ADAMTS12: variants seen among roughly 807,000 people sequenced by gnomAD.
The protein encoded by ADAMTS12 is A disintegrin and metalloproteinase with thrombospondin motifs 12.
ADAMTS12 carries 118 observed loss-of-function variants against 167.8 expected under a neutral mutation model. The observed-to-expected ratio is 0.70, with a 90% CI of 0.61 to 0.82. The LOEUF is 0.82. ADAMTS12 is among the 40% of genes least tolerant of loss of function. The pLI, the probability that ADAMTS12 is intolerant of heterozygous loss-of-function variation, is 0.00. For missense variants in ADAMTS12, 1,916 were observed against 1,998.8 expected, an observed-to-expected ratio of 0.96 and a Z score of 0.79; for synonymous variants, 704 against 716.9, an observed-to-expected ratio of 0.98 and a Z score of 0.29.
intron 1 of ADAMTS12, among the ~76,000 whole-genome samples, chr5:33,887,720 T>C (rs1393890761): frequency 6.6e-6 from 1 of 152,110 alleles, no homozygotes; most frequent in African/African-American, 2.4e-5. Context: ...TACCTACTAG[T>C]TGTATACAGT....
At chr5:33,545,379 T>C (rs1347483759) in intron 22 of ADAMTS12, among the ~76,000 whole-genome samples, 2 of 152,038 alleles carry the variant, frequency 1.3e-5, no homozygotes, top group Non-Finnish European at 2.9e-5. Flanking sequence ...TGGAGAAGAT[T>C]TGGAGAAATA....
At chr5:33,787,361 G>C (rs112143862) in intron 2 of ADAMTS12, among the ~76,000 whole-genome samples, 1 of 152,160 alleles carries the variant, frequency 6.6e-6, no homozygotes, top group African/African-American at 2.4e-5. Flanking sequence ...TCCATTGCAG[G>C]GCCACTGTCC....
Position 33,637,681 on chromosome 5 carries a change from G to A in ADAMTS12, c.1784C>T (p.Pro595Leu). ...RKRYRLCNVH[P>L]CRSEAPTFRQ... ...AAATGTTGGTGCCTCTGAGCGACAG[G>A]GGTGGACGTTGCACAAGCGATAGCG... The change falls in exon 12 of 24, where the codon CCC becomes CTC. Residue 595 changes from proline to leucine, a missense_variant. Physicochemically the swap from Pro to Leu is moderately conservative, Grantham distance 98 (BLOSUM62 -3). Coordinates refer to ENST00000504830, the MANE Select transcript of ADAMTS12 (RefSeq NM_030955.4). 2 of 1,613,778 alleles carry A rather than the reference G, an allele frequency of 1.2e-6. No homozygotes were observed.
chr5:33,672,142 C>A (rs1357940283), intron 5 of ADAMTS12, among the ~76,000 whole-genome samples: 4 of 151,426 alleles, frequency 2.6e-5, no homozygotes, highest in African/African-American at 9.7e-5. Flanking sequence ...CATACATACA[C>A]ACACACATCC....
At chr5:33,731,662 T>C (rs983424644) in intron 3 of ADAMTS12, among the ~76,000 whole-genome samples, 1 of 152,156 alleles carries the variant, frequency 6.6e-6, no homozygotes, top group Non-Finnish European at 1.5e-5. Context: ...TTTGGGACTA[T>C]GCTGATAGGA....
chr5:33,875,098 TA>T (rs1750175874), intron 2 of ADAMTS12, among the ~76,000 whole-genome samples: 1 of 152,198 alleles, frequency 6.6e-6, no homozygotes, highest in African/African-American at 2.4e-5. Context: ...AAAGGCTACA[TA>T]TTGTATGCTT....
intron 2 of ADAMTS12, among the ~76,000 whole-genome samples, chr5:33,787,045 T>C (rs1405229898): frequency 6.6e-6 from 1 of 152,182 alleles, no homozygotes; most frequent in South Asian, 2.1e-4. Context: ...CTAGATGTGG[T>C]CCTCTATGGC....
chr5:33,712,214 T>C (rs1172088059), intron 3 of ADAMTS12, among the ~76,000 whole-genome samples: 1 of 152,156 alleles, frequency 6.6e-6, no homozygotes, highest in East Asian at 1.9e-4. Context: ...TATTAATAAT[T>C]GATCTAACAA....
At chr5:33,791,707 T>G (rs1746576185) in intron 2 of ADAMTS12, among the ~76,000 whole-genome samples, 1 of 152,150 alleles carries the variant, frequency 6.6e-6, no homozygotes, top group Admixed American at 6.5e-5. Flanking sequence ...CTGTGGTTCC[T>G]TGAGATACCC....
chr5:33,836,958 A>G (rs1748550712), intron 2 of ADAMTS12, among the ~76,000 whole-genome samples: 1 of 151,976 alleles, frequency 6.6e-6, no homozygotes, highest in African/African-American at 2.4e-5. Flanking sequence ...TATGTTGCCC[A>G]GGCTGGTCCT....
chr5:33,626,799 C>T (rs879380798), intron 13 of ADAMTS12, among the ~76,000 whole-genome samples: 23 of 100,496 alleles, frequency 2.3e-4, no homozygotes, highest in African/African-American at 4.4e-4. Flanking sequence ...GGTGGTGATG[C>T]GGTAGGGTAG....
At chr5:33,826,284 A>T (rs1156438665) in intron 2 of ADAMTS12, among the ~76,000 whole-genome samples, 1 of 152,088 alleles carries the variant, frequency 6.6e-6, no homozygotes, top group Non-Finnish European at 1.5e-5. Context: ...TCAGCTATGG[A>T]ACTTAAACTT....
intron 2 of ADAMTS12, among the ~76,000 whole-genome samples, chr5:33,856,065 G>C (rs1276332170): frequency 6.6e-6 from 1 of 152,138 alleles, no homozygotes; most frequent in Non-Finnish European, 1.5e-5. Context: ...CTCCCAACTT[G>C]TATTCCAGCA....
At chr5:33,886,214 A>G (rs780423686) in intron 1 of ADAMTS12, among the ~76,000 whole-genome samples, 1 of 152,230 alleles carries the variant, frequency 6.6e-6, no homozygotes, top group Non-Finnish European at 1.5e-5. Flanking sequence ...CAAATTTATA[A>G]ATTTTGACCC....
At chr5:33,690,338 G>C (rs1480411103) in intron 3 of ADAMTS12, among the ~76,000 whole-genome samples, 1 of 152,100 alleles carries the variant, frequency 6.6e-6, no homozygotes, top group Non-Finnish European at 1.5e-5. Context: ...CATTGTTGAA[G>C]TACAAACAGC....
At chr5:33,746,960 G>A (rs1334261254) in intron 3 of ADAMTS12, among the ~76,000 whole-genome samples, 1 of 152,110 alleles carries the variant, frequency 6.6e-6, no homozygotes, top group Non-Finnish European at 1.5e-5. Flanking sequence ...CCATGAATTT[G>A]GGACTTGCCT....
intron 2 of ADAMTS12, among the ~76,000 whole-genome samples, chr5:33,762,003 G>T (rs951018729): frequency 6.6e-6 from 1 of 151,560 alleles, no homozygotes; most frequent in Non-Finnish European, 1.5e-5. Context: ...GACCAGCCTG[G>T]CCAATATGGT....
intron 18 of ADAMTS12, among the ~76,000 whole-genome samples, chr5:33,577,710 A>T (rs866614633): frequency 2.6e-5 from 4 of 152,140 alleles, no homozygotes; most frequent in Middle Eastern, 3.4e-3. Flanking sequence ...CTAGATAATC[A>T]CCATACTCAC....
chr5:33,816,809 A>C (rs10941098), intron 2 of ADAMTS12, among the ~76,000 whole-genome samples: 119,261 of 151,822 alleles, frequency 0.79, 47,384 homozygotes, highest in Non-Finnish European at 0.83. Flanking sequence ...AGTGAGTAGG[A>C]TTGTTCTGAA....
Sources: gnomAD v4.1 joint callset for allele counts (sites outside exome capture counted in the v4.1 genomes callset) on GRCh38, gnomAD v4.1.1 for gene constraint, MANE v1.5 for transcripts, NCBI Gene and HGNC (gene_info 2026-07-23, HGNC 2026-07-21) for gene names.